The following PHACTR1 variants were observed in gnomAD, a reference collection of about 807,000 sequenced individuals.
PHACTR1 encodes phosphatase and actin regulator 1.
Under a neutral mutation model 69.2 loss-of-function variants are expected in PHACTR1, and 16 were observed. The observed-to-expected ratio is 0.23, with a 90% confidence interval of 0.16 to 0.35. The LOEUF is 0.35. Among genes scored for constraint, PHACTR1 ranks in the 10% least tolerant of loss-of-function variants. The pLI is 1.00. For missense variants in PHACTR1, 510 were observed against 734.7 expected (o/e 0.69, Z 3.54); for synonymous variants, 312 against 284.5 (o/e 1.10, Z -0.97).
At chr6:13,009,244 G>A (rs1799174465) in intron 4 of PHACTR1, among the ~76,000 whole-genome samples, 3 of 152,080 alleles carry the variant, frequency 2.0e-5, no homozygotes, top group African/African-American at 7.2e-5. Context: ...GCCAAATAAG[G>A]TCACACTCAC....
intron 5 of PHACTR1, among the ~76,000 whole-genome samples, chr6:13,084,361 C>T (rs1161963880): frequency 6.1e-5 from 6 of 98,760 alleles, no homozygotes; most frequent in Admixed American, 1.5e-4. Context: ...CATCACACAC[C>T]GGGGACTGTT....
chr6:12,892,672 T>TGGG (rs1784278032), intron 4 of PHACTR1, among the ~76,000 whole-genome samples: 1 of 152,056 alleles, frequency 6.6e-6, no homozygotes, highest in Non-Finnish European at 1.5e-5. Context: ...TTTCCCCCCA[T>TGGG]GGAAAAAAAG....
chr6:12,850,670 T>C (rs1779738308), intron 4 of PHACTR1, among the ~76,000 whole-genome samples: 1 of 152,198 alleles, frequency 6.6e-6, no homozygotes, highest in Non-Finnish European at 1.5e-5. Flanking sequence ...CCATGCTCTA[T>C]CTAATGGCTC....
intron 4 of PHACTR1, among the ~76,000 whole-genome samples, chr6:12,911,172 A>G (rs1318553955): frequency 6.6e-6 from 1 of 152,154 alleles, no homozygotes; most frequent in Non-Finnish European, 1.5e-5. Context: ...ACTACCTTTC[A>G]TTTCCTGACT....
intron 5 of PHACTR1, among the ~76,000 whole-genome samples, chr6:13,074,265 A>G (rs9473417): frequency 0.015 from 2,260 of 152,220 alleles, 58 homozygotes; most frequent in African/African-American, 0.052. Context: ...AAAAGATCTT[A>G]CCCTCACTCA....
At chr6:12,731,179 C>T (rs1417575740) in intron 3 of PHACTR1, among the ~76,000 whole-genome samples, 1 of 151,914 alleles carries the variant, frequency 6.6e-6, no homozygotes, top group Non-Finnish European at 1.5e-5. Flanking sequence ...CCATGCCTGG[C>T]TAATTTTTGT....
intron 1 of PHACTR1, 129 bp downstream of exon 1, chr6:12,717,025 G>C (rs937973480): frequency 1.3e-5 from 2 of 152,144 alleles, no homozygotes; most frequent in Non-Finnish European, 2.9e-5. Flanking sequence ...ATGTCTTTCA[G>C]AATCTGGGAA....
intron 7 of PHACTR1, among the ~76,000 whole-genome samples, chr6:13,197,926 C>T (rs542087691): frequency 2.6e-5 from 4 of 152,290 alleles, no homozygotes; most frequent in Admixed American, 2.0e-4. Context: ...GATAGATCAG[C>T]GTCCCCTAGA....
At chr6:13,118,935 G>A (rs914284140) in intron 5 of PHACTR1, among the ~76,000 whole-genome samples, 2 of 152,032 alleles carry the variant, frequency 1.3e-5, no homozygotes, top group African/African-American at 4.8e-5. Flanking sequence ...CTGTAAAATG[G>A]GAATGATACT....
intron 4 of PHACTR1, among the ~76,000 whole-genome samples, chr6:12,897,007 C>T (rs983868194): frequency 1.3e-5 from 2 of 152,150 alleles, no homozygotes; most frequent in African/African-American, 2.4e-5. Flanking sequence ...ACAAAGAGTT[C>T]CACCTAAATC....
intron 4 of PHACTR1, among the ~76,000 whole-genome samples, chr6:12,897,393 G>A (rs916847903): frequency 6.6e-6 from 1 of 151,908 alleles, no homozygotes; most frequent in Non-Finnish European, 1.5e-5. Context: ...GCCTCTTTTG[G>A]GGACCTCCTC....
chr6:13,048,857 A>G (rs1249180404), intron 4 of PHACTR1, among the ~76,000 whole-genome samples: 3 of 152,190 alleles, frequency 2.0e-5, no homozygotes, highest in Non-Finnish European at 2.9e-5. Flanking sequence ...AACTGTGTTC[A>G]TAAGTTGGCT....
intron 4 of PHACTR1, among the ~76,000 whole-genome samples, chr6:12,870,234 A>G (rs1781892329): frequency 1.3e-5 from 2 of 152,196 alleles, no homozygotes; most frequent in Non-Finnish European, 2.9e-5. Context: ...CAGTACATGT[A>G]GGTGTAATTA....
rs1209223981 is a variant in PHACTR1, at chr6:13,064,578, ATATATATATATATATATATATATATATC to A, written c.415+11057_415+11084del. Among the ~76,000 whole-genome samples the A allele has an allele frequency of 4.5e-3, 69 of 15,212 alleles. 2 individuals carry two copies. The highest frequency in any genetic ancestry group is 9.0e-3 in the East Asian group (3 of 334). The allele number at this position is 15,212 out of a possible 152,430, so 10.0% of individuals were successfully genotyped here. A position where few individuals can be genotyped will look rare whatever the true frequency, so the allele number is the denominator to read the frequency against. On this transcript the variant is annotated intron_variant, in intron 5 of 14. Transcript: ENST00000332995. ...TATATATATATATATATATATATAT[ATATATATATATATATATATATATATATC>A]TATATATCTATCTATCCACACTTGC...
chr6:13,060,736 G>A (rs1807552156), intron 5 of PHACTR1, among the ~76,000 whole-genome samples: 1 of 152,160 alleles, frequency 6.6e-6, no homozygotes. Context: ...AACGTACAGG[G>A]TGAAGTCCAT....
At chr6:13,177,620 T>G (rs1185987217) in intron 6 of PHACTR1, among the ~76,000 whole-genome samples, 1 of 152,202 alleles carries the variant, frequency 6.6e-6, no homozygotes, top group African/African-American at 2.4e-5. Flanking sequence ...AAAATGTAAT[T>G]GAACAGAAGT....
Position 12,939,710 on chromosome 6 carries a change from TA to T in PHACTR1, c.251-113654del, listed in dbSNP as rs572109222. On this transcript the variant is annotated intron_variant, in intron 4 of 14. Coordinates refer to ENST00000332995, the MANE Select transcript of PHACTR1 (RefSeq NM_030948.6). ...AAAAGAGAACCGAGACCCCAGGAGCTAGGGGGGGCCAGAGGTGCCCCACTAG... is the reference window on the plus strand; with the variant it reads ...AAAAGAGAACCGAGACCCCAGGAGCTGGGGGGGCCAGAGGTGCCCCACTAG... Among the ~76,000 whole-genome samples the T allele has an allele frequency of 2.3e-3, 342 of 151,946 alleles. 2 individuals carry two copies. Among genetic ancestry groups the T allele is most frequent in the African/African-American group, 7.7e-3 (319 of 41,456 alleles).
intron 4 of PHACTR1, among the ~76,000 whole-genome samples, chr6:12,970,258 C>T (rs1290240542): frequency 6.6e-6 from 1 of 152,186 alleles, no homozygotes; most frequent in African/African-American, 2.4e-5. Context: ...CTCTTCCTCA[C>T]AATAATTAGC....
At chr6:12,893,021 C>G (rs933116146) in intron 4 of PHACTR1, among the ~76,000 whole-genome samples, 1 of 152,136 alleles carries the variant, frequency 6.6e-6, no homozygotes, top group Non-Finnish European at 1.5e-5. Flanking sequence ...AGAAAGCACA[C>G]AGTCTTGGCA....
Sources: gnomAD v4.1 joint callset for allele counts (sites outside exome capture counted in the v4.1 genomes callset) on GRCh38, gnomAD v4.1.1 for gene constraint, MANE v1.5 for transcripts, NCBI Gene and HGNC (gene_info 2026-07-23, HGNC 2026-07-21) for gene names.